The following PPP2R2C variants were observed in gnomAD, a reference collection of about 807,000 sequenced individuals.
The protein encoded by PPP2R2C is protein phosphatase 2, regulatory subunit B, gamma.
In PPP2R2C, 10 loss-of-function variants were observed where a neutral mutation model predicts 45.3. The observed-to-expected ratio is 0.22, with a 90% CI of 0.14 to 0.37. The LOEUF (loss-of-function observed/expected upper bound fraction) is 0.37. PPP2R2C is among the 10% of genes least tolerant of loss of function. PPP2R2C has a pLI of 1.00. For synonymous variants in PPP2R2C, 257 were observed against 245.4 expected, an observed-to-expected ratio of 1.05 and a Z score of -0.44; for missense variants, 308 against 619.7, an observed-to-expected ratio of 0.50 and a Z score of 5.34.
In PPP2R2C at chr4:6,364,701, G is replaced by C. The variant is rs1256936112; in HGVS notation, c.625+7822C>G. Reference sequence around the variant, plus strand: ...AGGAGCTGAGGCACAGAGAACCCAAGTGAGCTGCCCGAGGCCGCGGAGTCC... The same window carrying C: ...AGGAGCTGAGGCACAGAGAACCCAACTGAGCTGCCCGAGGCCGCGGAGTCC... On this transcript the variant is annotated intron_variant, in intron 5 of 8. Coordinates refer to ENST00000382599, the MANE Select transcript of PPP2R2C (RefSeq NM_020416.4). This position sits in a 1 kb window ranked among gnomAD's most constrained non-coding sequence, Gnocchi z 5.3. Among the ~76,000 whole-genome samples, 1 of 152,174 alleles carries C rather than the reference G, an allele frequency of 6.6e-6. No homozygotes were observed. The highest frequency in any genetic ancestry group is 1.5e-5 in the Non-Finnish European group (1 of 68,036).
intron 1 of PPP2R2C, among the ~76,000 whole-genome samples, chr4:6,539,927 A>T (rs1178982272): frequency 6.6e-6 from 1 of 152,084 alleles, no homozygotes; most frequent in Non-Finnish European, 1.5e-5. Context: ...TCCACTAGAG[A>T]AGGCAGAAAC....
rs1725637577 is a variant in PPP2R2C, at chr4:6,563,157, G to A, written c.-59+403C>T. On this transcript the variant is annotated intron_variant, in intron 1 of 9. Coordinates refer to the PPP2R2C transcript ENST00000506140. The surrounding 1 kb of genome is among the most constrained non-coding windows in gnomAD (Gnocchi z 5.8). ...GCCCGCACCTTCAGCCGGGCAGCGA[G>A]GGGGGGCTCGAGCGCGCCGGTTCTC... 6.6e-6 allele frequency among the ~76,000 whole-genome samples: 1 copy of A among 152,116 alleles called. No individual in the cohort carries two copies. Among genetic ancestry groups the A allele is most frequent in the Admixed American group, 6.5e-5 (1 of 15,276 alleles).
At chr4:6,443,545 G>A (rs1482991047) in intron 1 of PPP2R2C, among the ~76,000 whole-genome samples, 1 of 152,158 alleles carries the variant, frequency 6.6e-6, no homozygotes. Context: ...ACATTCAGCT[G>A]GAACCTCAGC....
At chr4:6,376,055 C>T (rs752601449) in intron 3 of PPP2R2C, 124 bp from the exon 4 acceptor site, 52 of 775,316 alleles carry the variant, frequency 6.7e-5, no homozygotes, top group Non-Finnish European at 1.0e-4. Context: ...TGCCAACAGA[C>T]GGCTTTGGAC....
chr4:6,520,042 G>C (rs1402332622), intron 2 of PPP2R2C, among the ~76,000 whole-genome samples: 1 of 152,232 alleles, frequency 6.6e-6, no homozygotes, highest in Non-Finnish European at 1.5e-5. Context: ...AGGACGGGCT[G>C]GGTGTTATTC....
chr4:6,333,443 G>A (rs891698909), intron 7 of PPP2R2C, 119 bp downstream of exon 7: 3 of 1,181,578 alleles, frequency 2.5e-6, no homozygotes, highest in African/African-American at 3.1e-5. Flanking sequence ...CAGCCTCCGT[G>A]TCTTCACCTA....
intron 1 of PPP2R2C, among the ~76,000 whole-genome samples, chr4:6,421,695 A>AG (rs1371661986): frequency 7.3e-6 from 1 of 136,832 alleles, no homozygotes; most frequent in Non-Finnish European, 1.6e-5. Flanking sequence ...AGGACGGCCG[A>AG]GGGGGAGCCA....
chr4:6,514,321 C>G (rs1005291014), intron 2 of PPP2R2C, among the ~76,000 whole-genome samples: 4 of 152,150 alleles, frequency 2.6e-5, no homozygotes, highest in African/African-American at 9.7e-5. Context: ...TTATTGAGGA[C>G]CAGGTAAGAC....
At chr4:6,342,872 C>T (rs183310900) in intron 6 of PPP2R2C, among the ~76,000 whole-genome samples, 11 of 152,192 alleles carry the variant, frequency 7.2e-5, no homozygotes. Context: ...CAGAGCTTCT[C>T]GGACCCTCGG....
chr4:6,412,804 G>GC (rs1464368054), intron 1 of PPP2R2C, among the ~76,000 whole-genome samples: 1 of 152,066 alleles, frequency 6.6e-6, no homozygotes, highest in East Asian at 1.9e-4. Flanking sequence ...TGAGGGTGGA[G>GC]CCCCCATGAA....
In PPP2R2C at chr4:6,378,603, C is replaced by A; in HGVS notation, c.169-31G>T. 6.3e-7 allele frequency: 1 copy of A among 1,596,910 alleles called. No homozygotes were observed. The highest frequency in any genetic ancestry group is 1.7e-4 in the Middle Eastern group (1 of 5,942). On this transcript the variant is annotated intron_variant, in intron 2 of 8. Coordinates refer to ENST00000382599, the MANE Select transcript of PPP2R2C (RefSeq NM_020416.4). This position sits in a 1 kb window ranked among gnomAD's most constrained non-coding sequence, Gnocchi z 5.2. ...GGGAAACCCGGAGAAGGGGCCTGAG[C>A]ACCGTGACCTGCAGGGCGACGGCTA...
At chr4:6,434,647 C>T (rs1719808946) in intron 1 of PPP2R2C, among the ~76,000 whole-genome samples, 1 of 152,204 alleles carries the variant, frequency 6.6e-6, no homozygotes, top group Non-Finnish European at 1.5e-5. Flanking sequence ...GCATGAGCCA[C>T]CACACCTGGC....
At chr4:6,339,528 C>T (rs1447471421) in intron 6 of PPP2R2C, among the ~76,000 whole-genome samples, 1 of 152,258 alleles carries the variant, frequency 6.6e-6, no homozygotes, top group Non-Finnish European at 1.5e-5. Context: ...CTTGGTAGCA[C>T]CTGCTGTGCC....
At chr4:6,535,233 C>A in intron 2 of PPP2R2C, 1 of 1,534,144 alleles carries the variant, frequency 6.5e-7, no homozygotes, top group Non-Finnish European at 8.7e-7. Flanking sequence ...CCCAAGCTCA[C>A]CGGCGCTGCT....
intron 6 of PPP2R2C, among the ~76,000 whole-genome samples, chr4:6,339,881 G>A (rs990222900): frequency 2.0e-5 from 3 of 152,218 alleles, no homozygotes; most frequent in Non-Finnish European, 4.4e-5. Context: ...CTCAGGCCGC[G>A]CTCCAGGAGG....
upstream of PPP2R2C, among the ~76,000 whole-genome samples, chr4:6,472,685 G>A (rs1218533995): frequency 6.6e-6 from 1 of 151,044 alleles, no homozygotes; most frequent in East Asian, 1.9e-4. Context: ...CTCCGCCCCC[G>A]CGGCCCTGCA....
chr4:6,432,670 A>C (rs1469452736), intron 1 of PPP2R2C, among the ~76,000 whole-genome samples: 1 of 152,258 alleles, frequency 6.6e-6, no homozygotes, highest in Non-Finnish European at 1.5e-5. Flanking sequence ...ATTTCTGTAC[A>C]TAACATATGA....
intron 2 of PPP2R2C, among the ~76,000 whole-genome samples, chr4:6,501,051 G>A (rs550162353): frequency 5.6e-4 from 86 of 152,236 alleles, no homozygotes; most frequent in Non-Finnish European, 1.0e-3. Flanking sequence ...TCTGGGGGAA[G>A]AGAGAATCAT....
chr4:6,466,955 C>A (rs536689618), intron 1 of PPP2R2C, among the ~76,000 whole-genome samples: 1 of 152,138 alleles, frequency 6.6e-6, no homozygotes, highest in Admixed American at 6.5e-5. Flanking sequence ...TGACAGCAGT[C>A]GCCTTTTACA....
Sources: gnomAD v4.1 joint callset for allele counts (sites outside exome capture counted in the v4.1 genomes callset) on GRCh38, gnomAD v4.1.1 for gene constraint, Gnocchi (gnomAD v3.1) non-coding constraint, MANE v1.5 for transcripts, NCBI Gene and HGNC (gene_info 2026-07-23, HGNC 2026-07-21) for gene names.